The following ASIC2 variants were observed in gnomAD, a reference collection of about 807,000 sequenced individuals.
ASIC2 encodes acid-sensing ion channel 2.
ASIC2 carries 25 observed loss-of-function variants against 57.3 expected under a neutral mutation model. The ratio of observed to expected loss-of-function variants is 0.44; its 90% CI spans 0.32 to 0.61. The LOEUF (loss-of-function observed/expected upper bound fraction) is 0.61. ASIC2 is among the 20% of genes least tolerant of loss of function. The probability of loss-of-function intolerance (pLI) is 0.06; values close to 1 mark genes in which losing one functional copy is unlikely to be tolerated. For synonymous variants in ASIC2, 319 were observed against 307.5 expected (o/e 1.04, Z -0.39); for missense variants, 641 against 738.1 (o/e 0.87, Z 1.52).
chr17:33,526,748 C>G (rs1486843145), intron 1 of ASIC2, among the ~76,000 whole-genome samples: 2 of 152,148 alleles, frequency 1.3e-5, no homozygotes, highest in South Asian at 4.2e-4. Flanking sequence ...CCAACCAGAC[C>G]TGGGCTGCCC....
At chr17:33,064,538 G>C (rs934919476) in intron 3 of ASIC2, among the ~76,000 whole-genome samples, 1 of 152,200 alleles carries the variant, frequency 6.6e-6, no homozygotes, top group Non-Finnish European at 1.5e-5. Context: ...GTTGCTGTCT[G>C]ATCATTCCTC....
intron 1 of ASIC2, among the ~76,000 whole-genome samples, chr17:33,159,994 A>G (rs1905117165): frequency 6.6e-6 from 1 of 152,102 alleles, no homozygotes; most frequent in African/African-American, 2.4e-5. Context: ...GGATCGCGTG[A>G]GCTCAGAAGT....
rs146222213 is a variant in ASIC2 at position 33,100,909 on chromosome 17, G to T, written c.859+11008C>A. On this transcript the variant is annotated intron_variant, in intron 2 of 9. Coordinates refer to ENST00000225823, the MANE Select transcript of ASIC2 (RefSeq NM_183377.2). ...GCATCACACTTAGCATGTGCATTAC[G>T]CACATCTTTCCAGAATGAAAAAAGT... Among the ~76,000 whole-genome samples the T allele has an allele frequency of 3.4e-3, 520 of 152,330 alleles. 5 individuals carry two copies. Among genetic ancestry groups the T allele is most frequent in the African/African-American group, 0.012 (482 of 41,566 alleles).
At chr17:33,312,576 G>A (rs370755347) in intron 1 of ASIC2, among the ~76,000 whole-genome samples, 8 of 152,250 alleles carry the variant, frequency 5.3e-5, no homozygotes, top group Middle Eastern at 3.4e-3. Flanking sequence ...AGGGATGAGC[G>A]GCAAGGGCTG....
intron 1 of ASIC2, among the ~76,000 whole-genome samples, chr17:33,579,461 T>C (rs1254063394): frequency 1.3e-5 from 2 of 152,076 alleles, no homozygotes; most frequent in Non-Finnish European, 2.9e-5. Flanking sequence ...ATCCAGTTTA[T>C]TCATTCAACA....
chr17:34,008,738 TGA>T (rs1418122451), intron 1 of ASIC2, among the ~76,000 whole-genome samples: 2 of 152,320 alleles, frequency 1.3e-5, no homozygotes, highest in African/African-American at 4.8e-5. Context: ...CTCCACTCTT[TGA>T]GAGTTCCAGA....
chr17:33,130,884 T>G (rs58595785), intron 1 of ASIC2, among the ~76,000 whole-genome samples: 259 of 152,324 alleles, frequency 1.7e-3, no homozygotes, highest in African/African-American at 6.1e-3. Context: ...ATCACAGATT[T>G]GGAACACAGT....
intron 1 of ASIC2, among the ~76,000 whole-genome samples, chr17:33,592,979 G>A (rs903413586): frequency 2.6e-5 from 4 of 152,142 alleles, no homozygotes; most frequent in East Asian, 1.9e-4. Context: ...AGAGATTCAC[G>A]GGAGAGTTTC....
At chr17:33,999,070 G>T (rs1906251552) in intron 1 of ASIC2, among the ~76,000 whole-genome samples, 1 of 151,896 alleles carries the variant, frequency 6.6e-6, no homozygotes, top group South Asian at 2.1e-4. Flanking sequence ...ATTTATAATT[G>T]CTATATACTC....
At chr17:33,473,601 G>A (rs1289882991) in intron 1 of ASIC2, among the ~76,000 whole-genome samples, 1 of 152,160 alleles carries the variant, frequency 6.6e-6, no homozygotes, top group Non-Finnish European at 1.5e-5. Flanking sequence ...GAGGTGGAAT[G>A]AACACGAGAA....
At chr17:33,174,442 G>A (rs985948457) in intron 1 of ASIC2, among the ~76,000 whole-genome samples, 10 of 150,892 alleles carry the variant, frequency 6.6e-5, no homozygotes, top group Non-Finnish European at 1.3e-4. Flanking sequence ...AAAAGATTCC[G>A]TGTATCCATC....
chr17:33,944,459 C>T (rs1916261312), intron 1 of ASIC2, among the ~76,000 whole-genome samples: 3 of 152,078 alleles, frequency 2.0e-5, no homozygotes, highest in African/African-American at 7.2e-5. Flanking sequence ...GACTGGTGCT[C>T]ACAGGGAGAG....
Position 33,971,948 on chromosome 17 carries a change from T to C in ASIC2, c.555+184030A>G, listed in dbSNP as rs1037871874. Among the ~76,000 whole-genome samples, 3 of 152,262 alleles carry C rather than the reference T, an allele frequency of 2.0e-5. No individual in the cohort carries two copies. The South Asian group carries it at 6.2e-4, about 32-fold the overall frequency. On this transcript the variant is annotated intron_variant, in intron 1 of 9. Transcript: ENST00000359872. Reference sequence around the variant, plus strand: ...CTGAGAAAAACAACAGAAGTAATAATAATAACCACCAGGCTCAGCGTTCTT... The same window carrying C: ...CTGAGAAAAACAACAGAAGTAATAACAATAACCACCAGGCTCAGCGTTCTT...
intron 1 of ASIC2, among the ~76,000 whole-genome samples, chr17:34,013,556 C>T (rs905410404): frequency 6.6e-6 from 1 of 152,212 alleles, no homozygotes; most frequent in African/African-American, 2.4e-5. Flanking sequence ...AAATGAAAGG[C>T]TGTGCTGAGA....
At chr17:33,398,757 C>T (rs1910173055) in intron 1 of ASIC2, among the ~76,000 whole-genome samples, 1 of 152,188 alleles carries the variant, frequency 6.6e-6, no homozygotes. Flanking sequence ...ATGATTGCCA[C>T]CTTTTTCAGA....
At chr17:33,745,630 TG>T (rs1408301175) in intron 1 of ASIC2, among the ~76,000 whole-genome samples, 1 of 151,310 alleles carries the variant, frequency 6.6e-6, no homozygotes, top group Non-Finnish European at 1.5e-5. Flanking sequence ...CAGAAAGCAG[TG>T]GGATGACATA....
Position 34,033,387 on chromosome 17 carries a change from C to A in ASIC2, c.555+122591G>T, listed in dbSNP as rs9897412. On this transcript the variant is annotated intron_variant, in intron 1 of 9. Transcript: ENST00000359872. ...GCAGTGTGTAGAGGGAAATTTATAG[C>A]ACTAAATGCCCACAAGAGAAAGCAG... Among the ~76,000 whole-genome samples, 208 of 152,050 alleles carry A rather than the reference C, an allele frequency of 1.4e-3. 1 individual carries two copies. Among genetic ancestry groups the A allele is most frequent in the African/African-American group, 4.5e-3 (187 of 41,452 alleles).
chr17:33,857,003 G>C (rs1459748475), intron 1 of ASIC2, among the ~76,000 whole-genome samples: 1 of 152,140 alleles, frequency 6.6e-6, no homozygotes, highest in Non-Finnish European at 1.5e-5. Context: ...CCCACCTAAG[G>C]AGGATAGATG....
chr17:33,453,246 T>C (rs921130554), intron 1 of ASIC2, among the ~76,000 whole-genome samples: 8 of 148,788 alleles, frequency 5.4e-5, no homozygotes, highest in South Asian at 2.1e-4. Flanking sequence ...TCCCAGACCA[T>C]GGCTGGGGAC....
Sources: allele counts gnomAD v4.1 joint callset (sites outside exome capture counted in the v4.1 genomes callset), GRCh38; gene constraint gnomAD v4.1.1; transcripts MANE v1.5; gene names NCBI Gene and HGNC (gene_info 2026-07-23, HGNC 2026-07-21).